SGMS1: variants seen among roughly 807,000 people sequenced by gnomAD.
SGMS1 encodes the protein phosphatidylcholine:ceramide cholinephosphotransferase 1.
A neutral mutation model predicts 46.2 loss-of-function variants in SGMS1; 13 were observed. The observed-to-expected ratio is 0.28, with a 90% CI of 0.18 to 0.45. The LOEUF (loss-of-function observed/expected upper bound fraction) is 0.45, where lower values mean the gene tolerates loss of function less well. SGMS1 is among the 20% of genes least tolerant of loss of function. The pLI is 1.00. For synonymous variants in SGMS1, 203 were observed against 187.8 expected, an observed-to-expected ratio of 1.08 and a Z score of -0.66; for missense variants, 324 against 519.9, an observed-to-expected ratio of 0.62 and a Z score of 3.66.
chr10:50,353,295 A>C (rs1377434911), intron 6 of SGMS1, among the ~76,000 whole-genome samples: 2 of 152,308 alleles, frequency 1.3e-5, no homozygotes, highest in Non-Finnish European at 2.9e-5. Context: ...TACGCAAATC[A>C]ATAAACGTAA....
chr10:50,354,027 A>C (rs1848081947), intron 6 of SGMS1, among the ~76,000 whole-genome samples: 1 of 152,010 alleles, frequency 6.6e-6, no homozygotes, highest in African/African-American at 2.4e-5. Flanking sequence ...AAGGTAATTT[A>C]TAGATTCAAT....
Position 50,306,938 on chromosome 10 carries a change from G to A in SGMS1, c.*204C>T. On this transcript the variant is annotated 3_prime_UTR_variant, in exon 11 of 11. Coordinates refer to ENST00000361781, the MANE Select transcript of SGMS1 (RefSeq NM_147156.4). ...CAGGAAATGTGTACAGTGCATGATA[G>A]GTTAAATTTTTCTTTATTGTTGTCC... 3.6e-6 allele frequency: 2 copies of A among 549,726 alleles called. No individual in the cohort carries two copies. Among genetic ancestry groups the A allele is most frequent in the Non-Finnish European group, 3.2e-6 (1 of 311,306 alleles). The allele number at this position is 549,726 out of a possible 1,614,324, so 34.1% of individuals were successfully genotyped here.
At chr10:50,598,169 A>G (rs1379756664) in intron 1 of SGMS1, among the ~76,000 whole-genome samples, 1 of 150,086 alleles carries the variant, frequency 6.7e-6, no homozygotes, top group African/African-American at 2.4e-5. Flanking sequence ...GGTCATGAGC[A>G]GGGAGCCCTC....
intron 6 of SGMS1, among the ~76,000 whole-genome samples, chr10:50,370,466 G>C (rs1228321721): frequency 6.7e-6 from 1 of 149,992 alleles, no homozygotes; most frequent in African/African-American, 2.5e-5. Flanking sequence ...ACACAAGCCA[G>C]GCATGGTGGC....
chr10:50,560,101 G>A (rs1838220914), intron 2 of SGMS1, among the ~76,000 whole-genome samples: 1 of 145,478 alleles, frequency 6.9e-6, no homozygotes, highest in African/African-American at 2.5e-5. Flanking sequence ...AGGTAATATA[G>A]ATTATATAAT....
At chr10:50,460,427 TC>T (rs1361249462) in intron 5 of SGMS1, among the ~76,000 whole-genome samples, 4 of 152,206 alleles carry the variant, frequency 2.6e-5, no homozygotes, top group Admixed American at 1.3e-4. Flanking sequence ...GAGTCTAATG[TC>T]CTTGAGGCAT....
chr10:50,402,747 T>TA (rs1848959498), intron 6 of SGMS1, among the ~76,000 whole-genome samples: 1 of 149,978 alleles, frequency 6.7e-6, no homozygotes, highest in South Asian at 2.1e-4. Flanking sequence ...TTTTTTTTTT[T>TA]AATTTCAATA....
At chr10:50,432,707 T>C (rs1849420158) in intron 6 of SGMS1, among the ~76,000 whole-genome samples, 1 of 152,238 alleles carries the variant, frequency 6.6e-6, no homozygotes, top group Admixed American at 6.5e-5. Context: ...CCAGTAACTA[T>C]ACTGTGCCAG....
intron 2 of SGMS1, among the ~76,000 whole-genome samples, chr10:50,538,513 A>G (rs868790819): frequency 5.3e-5 from 8 of 151,456 alleles, no homozygotes; most frequent in South Asian, 4.2e-4. Flanking sequence ...AGCATTCTGG[A>G]CAGGACAATC....
At chr10:50,410,742 C>T (rs552202473) in intron 6 of SGMS1, among the ~76,000 whole-genome samples, 1 of 152,290 alleles carries the variant, frequency 6.6e-6, no homozygotes, top group South Asian at 2.1e-4. Context: ...GACAGCCCCA[C>T]CATAGGGGAA....
At chr10:50,345,977 A>G (rs542544807) in intron 6 of SGMS1, among the ~76,000 whole-genome samples, 2 of 152,310 alleles carry the variant, frequency 1.3e-5, no homozygotes, top group African/African-American at 4.8e-5. Context: ...TTTTATCACA[A>G]TCATACAAAA....
chr10:50,478,344 A>C (rs1447680710), intron 3 of SGMS1, among the ~76,000 whole-genome samples: 1 of 152,226 alleles, frequency 6.6e-6, no homozygotes, highest in Non-Finnish European at 1.5e-5. Context: ...TAGTTTTCTG[A>C]ACTAAATAGC....
At chr10:50,323,168 A>G (rs549239537) in intron 8 of SGMS1, among the ~76,000 whole-genome samples, 2 of 152,370 alleles carry the variant, frequency 1.3e-5, no homozygotes, top group African/African-American at 4.8e-5. Flanking sequence ...TGTGAAGAGT[A>G]TACTGCCATC....
chr10:50,340,108 A>T (rs1289860917), intron 7 of SGMS1, among the ~76,000 whole-genome samples: 1 of 152,234 alleles, frequency 6.6e-6, no homozygotes, highest in Non-Finnish European at 1.5e-5. Flanking sequence ...AGAAAAATAT[A>T]GTAAATCTGG....
chr10:50,495,177 G>T (rs1220556738), intron 3 of SGMS1, among the ~76,000 whole-genome samples: 1 of 143,132 alleles, frequency 7.0e-6, no homozygotes, highest in African/African-American at 2.6e-5. Flanking sequence ...GGCGGGACTT[G>T]CAGTGAGCTG....
chr10:50,328,770 T>A (rs1237984573), intron 7 of SGMS1, among the ~76,000 whole-genome samples: 1 of 152,220 alleles, frequency 6.6e-6, no homozygotes, highest in Non-Finnish European at 1.5e-5. Context: ...TAAAGCTGTC[T>A]TGGCAATCTA....
chr10:50,543,921 G>A (rs184799478), intron 2 of SGMS1, among the ~76,000 whole-genome samples: 14 of 152,276 alleles, frequency 9.2e-5, no homozygotes, highest in South Asian at 6.2e-4. Flanking sequence ...GGAGCCATAC[G>A]AAGAACGTAG....
chr10:50,359,239 C>A (rs1182634332), intron 6 of SGMS1, among the ~76,000 whole-genome samples: 4 of 152,124 alleles, frequency 2.6e-5, no homozygotes, highest in African/African-American at 9.7e-5. Flanking sequence ...TTAATGACAT[C>A]TTTTGGTCTC....
At chr10:50,417,454 T>A (rs1375587876) in intron 6 of SGMS1, among the ~76,000 whole-genome samples, 23 of 150,548 alleles carry the variant, frequency 1.5e-4, no homozygotes, top group Admixed American at 1.5e-3. Context: ...AAAATAAATG[T>A]CATGCATTCT....
Sources: gnomAD v4.1 joint callset for allele counts (sites outside exome capture counted in the v4.1 genomes callset) on GRCh38, gnomAD v4.1.1 for gene constraint, MANE v1.5 for transcripts, NCBI Gene and HGNC (gene_info 2026-07-23, HGNC 2026-07-21) for gene names.